Variants in NIPBL observed in about 807,000 individuals in gnomAD.
NIPBL encodes the protein NIPBL cohesin loading factor, also known as nipped-B-like protein.
Under a neutral mutation model 321.8 loss-of-function variants are expected in NIPBL, and 19 were observed. The ratio of observed to expected loss-of-function variants is 0.06; its 90% CI spans 0.04 to 0.09. NIPBL has a LOEUF of 0.09. Among genes scored for constraint, NIPBL ranks in the 10% least tolerant of loss-of-function variants. NIPBL has a pLI of 1.00. For synonymous variants in NIPBL, 1,106 were observed against 1,114.1 expected, an observed-to-expected ratio of 0.99 and a Z score of 0.14; for missense variants, 2,210 against 3,327.0, an observed-to-expected ratio of 0.66 and a Z score of 8.26.
intron 31 of NIPBL, among the ~76,000 whole-genome samples, chr5:37,026,818 T>G (rs529671406): frequency 6.6e-6 from 1 of 152,156 alleles, no homozygotes; most frequent in South Asian, 2.1e-4. Flanking sequence ...CAAGAGATCT[T>G]TGAACCAGGA....
chr5:36,944,508 A>G (rs1739450084), intron 1 of NIPBL, among the ~76,000 whole-genome samples: 1 of 152,164 alleles, frequency 6.6e-6, no homozygotes, highest in Non-Finnish European at 1.5e-5. Flanking sequence ...TAAGGCAGCC[A>G]GATTCCAAAT....
chr5:36,961,980 G>A, intron 5 of NIPBL, 143 bp from the exon 6 acceptor site: 1 of 931,206 alleles, frequency 1.1e-6, no homozygotes, highest in Non-Finnish European at 1.6e-6. Context: ...TATGTTATTT[G>A]ACTATTTTGC....
At position 37,020,390 on chromosome 5, in the gene NIPBL, C is replaced by CT. The variant is rs1351870889; in HGVS notation, c.5011-68dup. 19 of 1,092,822 alleles carry CT rather than the reference C, an allele frequency of 1.7e-5. No homozygotes were observed. In the African/African-American group the frequency reaches 1.9e-4, roughly 11 times the overall value. The allele number at this position is 1,092,822 out of a possible 1,614,324, so 67.7% of individuals were successfully genotyped here. A position where few individuals can be genotyped will look rare whatever the true frequency, so the allele number is the denominator to read the frequency against. The stretch of plus-strand genomic sequence containing the variant: ...TTTGTATTCCTGTAATGTGAGCACT[C>CT]TAACTTTATTAACTTGGAAATCTTG... On this transcript the variant is annotated intron_variant, in intron 25 of 46. Coordinates refer to ENST00000282516, the MANE Select transcript of NIPBL (RefSeq NM_133433.4).
At chr5:37,010,024 A>G in intron 20 of NIPBL, 63 bp from the exon 21 acceptor site, 2 of 1,280,858 alleles carry the variant, frequency 1.6e-6, no homozygotes, top group Non-Finnish European at 2.3e-6. Context: ...ACTTTCAGAC[A>G]ATAGATGACA....
At chr5:37,011,358 C>T (rs1313351316) in intron 21 of NIPBL, among the ~76,000 whole-genome samples, 2 of 152,198 alleles carry the variant, frequency 1.3e-5, no homozygotes, top group African/African-American at 2.4e-5. Flanking sequence ...GAGTTCAAGA[C>T]CAGTTGGGCA....
chr5:37,064,090 G>C (rs1755109868), intron 46 of NIPBL, 112 bp downstream of exon 46: 1 of 1,479,258 alleles, frequency 6.8e-7, no homozygotes, highest in Non-Finnish European at 9.0e-7. Flanking sequence ...ATACTTAAAA[G>C]AGAAAACATT....
chr5:36,884,985 A>C (rs1745781389), intron 1 of NIPBL, among the ~76,000 whole-genome samples: 1 of 152,210 alleles, frequency 6.6e-6, no homozygotes, highest in Admixed American at 6.5e-5. Flanking sequence ...AGGCAGTATA[A>C]TTGGAGTAAG....
intron 24 of NIPBL, among the ~76,000 whole-genome samples, chr5:37,017,989 A>G (rs1302168848): frequency 1.3e-5 from 2 of 152,124 alleles, no homozygotes; most frequent in Non-Finnish European, 2.9e-5. Context: ...TAAGTTGCAG[A>G]CATGATTCCC....
intron 32 of NIPBL, among the ~76,000 whole-genome samples, chr5:37,029,243 T>G (rs1750675198): frequency 6.6e-6 from 1 of 152,224 alleles, no homozygotes; most frequent in African/African-American, 2.4e-5. Flanking sequence ...CAGTTGATCC[T>G]CTCTTCCTGG....
rs529647285 is a variant in NIPBL at position 36,995,869 on chromosome 5, A to G, written c.3304+65A>G. The G allele has an allele frequency of 9.0e-6, 13 of 1,441,658 alleles. No homozygotes were observed. The South Asian group carries it at 1.5e-4, about 17-fold the overall frequency. The allele number at this position is 1,441,658 out of a possible 1,614,324, so 89.3% of individuals were successfully genotyped here. ...AAAAGCAGGTTGATGTGTTTTTCTCATTTATAATTTGGGGGTTTAGCAAAA... is the reference window on the plus strand; with the variant it reads ...AAAAGCAGGTTGATGTGTTTTTCTCGTTTATAATTTGGGGGTTTAGCAAAA... On this transcript the variant is annotated intron_variant, in intron 11 of 46. Coordinates refer to ENST00000282516, the MANE Select transcript of NIPBL (RefSeq NM_133433.4).
chr5:37,021,991 A>G (rs1749704490), intron 27 of NIPBL, 60 bp from the exon 28 acceptor site: 1 of 1,278,484 alleles, frequency 7.8e-7, no homozygotes, highest in Non-Finnish European at 1.1e-6. Context: ...TTTTCATGCT[A>G]TTTTTAATTA....
intron 1 of NIPBL, among the ~76,000 whole-genome samples, chr5:36,946,240 A>G (rs1224622238): frequency 6.6e-6 from 1 of 151,910 alleles, no homozygotes; most frequent in Non-Finnish European, 1.5e-5. Flanking sequence ...AGTTCTTAGC[A>G]TAGTATGTTA....
At chr5:36,887,226 CTT>C (rs1406054131) in intron 1 of NIPBL, among the ~76,000 whole-genome samples, 1 of 152,130 alleles carries the variant, frequency 6.6e-6, no homozygotes, top group African/African-American at 2.4e-5. Context: ...GACCTACTCT[CTT>C]TTTCATAATT....
At chr5:36,945,434 C>T (rs1471202810) in intron 1 of NIPBL, among the ~76,000 whole-genome samples, 2 of 152,104 alleles carry the variant, frequency 1.3e-5, no homozygotes, top group Non-Finnish European at 2.9e-5. Context: ...TTGAGAAACC[C>T]TAAATCTCAA....
Position 37,049,160 on chromosome 5 carries a change from C to T in NIPBL, c.6813C>T (p.Ser2271=), listed in dbSNP as rs770272272. Residue 2271 remains serine, a synonymous_variant, in exon 40 of 47, where the codon TCC becomes TCT. Coordinates refer to ENST00000282516, the MANE Select transcript of NIPBL (RefSeq NM_133433.4). ...QEDLKEMGDV[S]SGMSSSIMQL... ...ACTTAAAAGAAATGGGTGATGTTTC[C>T]TCAGGGATGAGTAGTTCCATCATGC... 3 of 1,613,924 alleles carry T rather than the reference C, an allele frequency of 1.9e-6. No individual in the cohort carries two copies. Among genetic ancestry groups the T allele is most frequent in the African/African-American group, 2.7e-5 (2 of 74,872 alleles).
chr5:37,047,176 G>A (rs1753066481), intron 38 of NIPBL, among the ~76,000 whole-genome samples: 2 of 152,110 alleles, frequency 1.3e-5, no homozygotes, highest in African/African-American at 2.4e-5. Flanking sequence ...GAGAATCCAC[G>A]GATTTTGGTA....
chr5:37,026,466 C>T, intron 31 of NIPBL, 139 bp downstream of exon 31: 2 of 686,184 alleles, frequency 2.9e-6, no homozygotes, highest in Non-Finnish European at 5.4e-6. Flanking sequence ...CTTTATATTT[C>T]TGGAGATGCT....
chr5:36,956,616 C>CTTTTTTTTTTTT (rs34760816), intron 3 of NIPBL, among the ~76,000 whole-genome samples: 2 of 79,478 alleles, frequency 2.5e-5, no homozygotes, highest in Non-Finnish European at 4.7e-5. Context: ...TAAATCACTT[C>CTTTTTTTTTTTT]TTTTTTTTTT....
chr5:36,928,654 C>A (rs1324887451), intron 1 of NIPBL, among the ~76,000 whole-genome samples: 1 of 152,122 alleles, frequency 6.6e-6, no homozygotes, highest in Non-Finnish European at 1.5e-5. Flanking sequence ...CCAAATTTTC[C>A]TCAAGCCTAT....
Sources: gnomAD v4.1 joint callset for allele counts (sites outside exome capture counted in the v4.1 genomes callset) on GRCh38, gnomAD v4.1.1 for gene constraint, MANE v1.5 for transcripts, NCBI Gene and HGNC (gene_info 2026-07-23, HGNC 2026-07-21) for gene names.